STK32B: variants seen among roughly 807,000 people sequenced by gnomAD.
STK32B encodes serine/threonine-protein kinase 32B.
In STK32B, 43 loss-of-function variants were observed where a neutral mutation model predicts 52.6. The observed-to-expected ratio is 0.82, with a 90% CI of 0.64 to 1.05. The LOEUF is 1.05. Ranked by LOEUF, STK32B falls within the 50% of genes least tolerant of loss-of-function variation. The pLI, the probability that STK32B is intolerant of heterozygous loss-of-function variation, is 0.00. For missense variants in STK32B, 621 were observed against 534.6 expected (o/e 1.16, Z -1.59); for synonymous variants, 238 against 204.3 (o/e 1.17, Z -1.41).
intron 3 of STK32B, among the ~76,000 whole-genome samples, chr4:5,307,759 T>A (rs1159224687): frequency 6.6e-6 from 1 of 152,104 alleles, no homozygotes; most frequent in Non-Finnish European, 1.5e-5. Flanking sequence ...GTAGAGTGTG[T>A]CAGAGGGAAG....
intron 4 of STK32B, among the ~76,000 whole-genome samples, chr4:5,337,923 A>G (rs1040371243): frequency 1.5e-4 from 23 of 152,174 alleles, no homozygotes; most frequent in African/African-American, 5.5e-4. Flanking sequence ...GTCTCCTGGG[A>G]TTGGAGAAAG....
At chr4:5,340,109 A>G (rs544022132) in intron 4 of STK32B, among the ~76,000 whole-genome samples, 19 of 152,342 alleles carry the variant, frequency 1.2e-4, no homozygotes, top group African/African-American at 4.3e-4. Flanking sequence ...TAGCATTTGA[A>G]TTGGCCCTTC....
intron 5 of STK32B, among the ~76,000 whole-genome samples, chr4:5,414,079 G>C (rs1711943182): frequency 6.6e-6 from 1 of 152,076 alleles, no homozygotes; most frequent in Non-Finnish European, 1.5e-5. Flanking sequence ...GAAACAACCT[G>C]AATACCCATA....
At chr4:5,144,552 A>G (rs1354941476) in intron 2 of STK32B, among the ~76,000 whole-genome samples, 4 of 152,118 alleles carry the variant, frequency 2.6e-5, no homozygotes, top group Non-Finnish European at 2.9e-5. Context: ...AGTTCCCAGA[A>G]TATCTCACCA....
intron 4 of STK32B, among the ~76,000 whole-genome samples, chr4:5,368,195 C>G (rs928413349): frequency 1.3e-5 from 2 of 152,250 alleles, no homozygotes; most frequent in African/African-American, 4.8e-5. Context: ...CAATAGTAAT[C>G]ACAATGGCAA....
intron 1 of STK32B, 53 bp from the exon 2 acceptor site, chr4:5,139,852 C>A: frequency 6.2e-7 from 1 of 1,603,336 alleles, no homozygotes; most frequent in Admixed American, 1.7e-5. Flanking sequence ...ATTCAAGGAG[C>A]AATACCAGGT....
chr4:5,118,977 G>A (rs1419469622), intron 1 of STK32B, among the ~76,000 whole-genome samples: 1 of 152,154 alleles, frequency 6.6e-6, no homozygotes, highest in Non-Finnish European at 1.5e-5. Flanking sequence ...ACACCCAGGA[G>A]CCTTTTTGGA....
At chr4:5,045,439 A>C in the STK32B span, among the ~76,000 whole-genome samples, 1 of 151,956 alleles carries the variant, frequency 6.6e-6, no homozygotes, top group Non-Finnish European at 1.5e-5. Flanking sequence ...TTCCCTGACC[A>C]CTCTGCTTAA....
intron 5 of STK32B, among the ~76,000 whole-genome samples, chr4:5,414,358 C>CT (rs201852612): frequency 0.56 from 84,320 of 151,368 alleles, 24,963 homozygotes; most frequent in Middle Eastern, 0.74. Flanking sequence ...GGAGGAACAC[C>CT]TTGTAATCAA....
rs1735740833 is a variant in STK32B at position 5,378,765 on chromosome 4, C to T, written c.435-19442C>T. Among the ~76,000 whole-genome samples the T allele has an allele frequency of 6.6e-6, 1 of 152,102 alleles. No individual in the cohort carries two copies. Among genetic ancestry groups the T allele is most frequent in the Admixed American group, 6.6e-5 (1 of 15,266 alleles). ...GGTTGGTGGAAATGTCTTTGAGAAA[C>T]GCTGGCTGGGTAGATGAGTTTGTGA... On this transcript the variant is annotated intron_variant, in intron 4 of 11. Transcript: ENST00000282908. The surrounding 1 kb of genome is among the most constrained non-coding windows in gnomAD (Gnocchi z 4.4).
chr4:5,452,289 G>A (rs538562358), intron 7 of STK32B, among the ~76,000 whole-genome samples: 29 of 152,040 alleles, frequency 1.9e-4, no homozygotes, highest in Admixed American at 8.5e-4. Flanking sequence ...GTGGAGGGAG[G>A]TTGCCCAGAG....
At chr4:5,303,669 C>T (rs1016488407) in intron 3 of STK32B, among the ~76,000 whole-genome samples, 23 of 152,096 alleles carry the variant, frequency 1.5e-4, no homozygotes, top group African/African-American at 5.3e-4. Context: ...TTTTGCTGTG[C>T]AGCAGCTTTT....
chr4:5,497,087 CAT>C (rs748153082), intron 11 of STK32B, among the ~76,000 whole-genome samples: 3 of 152,232 alleles, frequency 2.0e-5, no homozygotes, highest in Non-Finnish European at 4.4e-5. Context: ...AATGAGCTAT[CAT>C]ATCTTATTTG....
intron 3 of STK32B, among the ~76,000 whole-genome samples, chr4:5,238,350 CCT>C (rs1724775489): frequency 6.6e-6 from 1 of 152,024 alleles, no homozygotes; most frequent in South Asian, 2.1e-4. Context: ...CTTCATAAGG[CCT>C]CTCTGTTTCT....
intron 7 of STK32B, 163 bp downstream of exon 7, chr4:5,446,939 G>A (rs564894674): frequency 6.5e-6 from 4 of 614,446 alleles, no homozygotes; most frequent in African/African-American, 1.8e-5. Context: ...GCCTATGAAC[G>A]CCCTGAACTT....
chr4:5,180,185 A>C lies in STK32B; in HGVS notation c.260+11735A>C, dbSNP rs555579333. The stretch of plus-strand genomic sequence containing the variant: ...TGAGCCCTGCTCATTTCTCAGAGAC[A>C]GAAAGCAGGGCCCCAAGCAGTTTGC... On this transcript the variant is annotated intron_variant, in intron 3 of 11. Transcript: ENST00000282908. 2.0e-5 allele frequency among the ~76,000 whole-genome samples: 3 copies of C among 152,348 alleles called. No homozygotes were observed. The East Asian group carries it at 5.8e-4, about 29-fold the overall frequency.
At chr4:5,063,236 T>C (rs1026702302) in intron 1 of STK32B, among the ~76,000 whole-genome samples, 1 of 152,218 alleles carries the variant, frequency 6.6e-6, no homozygotes, top group African/African-American at 2.4e-5. Flanking sequence ...TTTCCATTGC[T>C]CTACATCAGC....
At chr4:5,409,990 TGATTGG>T (rs1476577659) in intron 5 of STK32B, among the ~76,000 whole-genome samples, 1 of 152,288 alleles carries the variant, frequency 6.6e-6, no homozygotes, top group East Asian at 1.9e-4. Flanking sequence ...CCATGGAATT[TGATTGG>T]GCTTCTTTTT....
chr4:5,410,094 G>T (rs1165224216), intron 5 of STK32B, among the ~76,000 whole-genome samples: 2 of 152,164 alleles, frequency 1.3e-5, no homozygotes, highest in Non-Finnish European at 2.9e-5. Flanking sequence ...GGTGCCCAGA[G>T]TGTTTGATCC....
Sources: allele counts gnomAD v4.1 joint callset (sites outside exome capture counted in the v4.1 genomes callset), GRCh38; gene constraint gnomAD v4.1.1; non-coding constraint Gnocchi (gnomAD v3.1); transcripts MANE v1.5; gene names NCBI Gene and HGNC (gene_info 2026-07-23, HGNC 2026-07-21).